Variants in KCNQ1 observed in about 807,000 individuals in gnomAD.
KCNQ1 encodes potassium voltage-gated channel subfamily KQT member 1.
A neutral mutation model predicts 72.4 loss-of-function variants in KCNQ1; 49 were observed. The observed-to-expected ratio is 0.68, with a 90% confidence interval of 0.54 to 0.86. KCNQ1 has a LOEUF of 0.86. Ranked by LOEUF, KCNQ1 falls within the 40% of genes least tolerant of loss-of-function variation. The pLI is 0.00. For synonymous variants in KCNQ1, 450 were observed against 412.6 expected (o/e 1.09, Z -1.10); for missense variants, 790 against 945.1 (o/e 0.84, Z 2.15).
intron 10 of KCNQ1, chr11:2,633,331 C>G (rs1849395255): frequency 2.5e-6 from 1 of 398,394 alleles, no homozygotes; most frequent in African/African-American, 2.1e-5. Context: ...CAGGATATCT[C>G]TTAATAGTTT....
intron 2 of KCNQ1, among the ~76,000 whole-genome samples, chr11:2,542,796 G>A (rs527332778): frequency 2.6e-5 from 4 of 152,332 alleles, no homozygotes; most frequent in African/African-American, 4.8e-5. Flanking sequence ...TTGCTGAGCC[G>A]TATCCCATTG....
chr11:2,666,041 T>C (rs2133861998), intron 11 of KCNQ1: 1 of 398,626 alleles, frequency 2.5e-6, no homozygotes, highest in Non-Finnish European at 4.4e-6. Flanking sequence ...ATACCTGAGA[T>C]AGACGGCCCA....
At position 2,710,067 on chromosome 11, in the gene KCNQ1, G is replaced by A. The variant is rs914042578; in HGVS notation, c.1514+47986G>A. 6.6e-6 allele frequency among the ~76,000 whole-genome samples: 1 copy of A among 152,176 alleles called. No individual in the cohort carries two copies. The highest frequency in any genetic ancestry group is 2.4e-5 in the African/African-American group (1 of 41,434). On this transcript the variant is annotated intron_variant, in intron 11 of 15. Coordinates refer to ENST00000155840, the MANE Select transcript of KCNQ1 (RefSeq NM_000218.3). The surrounding 1 kb of genome is among the most constrained non-coding windows in gnomAD (Gnocchi z 4.1). ...TAACCTTTTGAGGATCTGCCAGACT[G>A]TTTTCCAATGTGGCAGCACCATTTT...
At chr11:2,545,302 A>T (rs1250446478) in intron 2 of KCNQ1, among the ~76,000 whole-genome samples, 1 of 152,134 alleles carries the variant, frequency 6.6e-6, no homozygotes. Flanking sequence ...TGAGTTGGGA[A>T]GTGTTCTCTC....
chr11:2,484,924 GCT>G lies in KCNQ1; in HGVS notation c.386+39446_386+39447del, dbSNP rs977414754. Among the ~76,000 whole-genome samples the G allele has an allele frequency of 1.3e-5, 2 of 152,034 alleles. No homozygotes were observed. The highest frequency in any genetic ancestry group is 4.8e-5 in the African/African-American group (2 of 41,376). ...CCTTTCTTCAATAGTGAGAAACCTG[GCT>G]CTCTCACCTTCACCTGCTCGTCCAA... On this transcript the variant is annotated intron_variant, in intron 1 of 15. Coordinates refer to ENST00000155840, the MANE Select transcript of KCNQ1 (RefSeq NM_000218.3). This position sits in a 1 kb window ranked among gnomAD's most constrained non-coding sequence, Gnocchi z 5.2.
At chr11:2,667,825 T>C (rs1850110511) in intron 11 of KCNQ1, 1 of 398,622 alleles carries the variant, frequency 2.5e-6, no homozygotes, top group Non-Finnish European at 4.4e-6. Context: ...AGGGTGGTGG[T>C]GTTAAACTTT....
chr11:2,485,938 A>G (rs546553160), intron 1 of KCNQ1, among the ~76,000 whole-genome samples: 48 of 152,318 alleles, frequency 3.2e-4, no homozygotes, highest in African/African-American at 9.4e-4. Flanking sequence ...TTATCCATTC[A>G]TCTTTTGATG....
rs1439223442 is a variant in KCNQ1, at chr11:2,824,242, G to A, written c.1795-23525G>A. ...TCCATGGAGGGGCCAGAGTAGAGGG[G>A]AGGTGGGTGAGGAGGCTACGCAGAG... On this transcript the variant is annotated intron_variant, in intron 15 of 15. Transcript: ENST00000155840. This position sits in a 1 kb window ranked among gnomAD's most constrained non-coding sequence, Gnocchi z 5.9. 6.6e-6 allele frequency among the ~76,000 whole-genome samples: 1 copy of A among 152,178 alleles called. No individual in the cohort carries two copies.
In KCNQ1 at chr11:2,808,321, C is replaced by A. The variant is rs867057447; in HGVS notation, c.1794+30284C>A. ...GGGATGGGCTAGAACTCGGTCCTGG[C>A]ATCACAGAGCTACCCCGGTCAAAAA... On this transcript the variant is annotated intron_variant, in intron 15 of 15. Coordinates refer to ENST00000155840, the MANE Select transcript of KCNQ1 (RefSeq NM_000218.3). The surrounding 1 kb of genome is among the most constrained non-coding windows in gnomAD (Gnocchi z 6.0). Among the ~76,000 whole-genome samples the A allele has an allele frequency of 1.3e-5, 2 of 152,208 alleles. No individual in the cohort carries two copies. The highest frequency in any genetic ancestry group is 2.9e-5 in the Non-Finnish European group (2 of 68,040).
At chr11:2,699,612 G>C in intron 11 of KCNQ1, 1 of 354,216 alleles carries the variant, frequency 2.8e-6, no homozygotes, top group South Asian at 1.3e-4. Context: ...AGAGGCCCCC[G>C]GAGAGAACCG....
intron 1 of KCNQ1, among the ~76,000 whole-genome samples, chr11:2,460,913 G>A (rs532168980): frequency 1.3e-5 from 2 of 152,340 alleles, no homozygotes; most frequent in South Asian, 4.1e-4. Context: ...CCCTCTTGTC[G>A]GTCTTGTCTG....
At position 2,547,497 on chromosome 11, in the gene KCNQ1, G is replaced by C. The variant is rs1385116527; in HGVS notation, c.477+19479G>C. On this transcript the variant is annotated intron_variant, in intron 2 of 15. Transcript: ENST00000155840. The surrounding 1 kb of genome is among the most constrained non-coding windows in gnomAD (Gnocchi z 4.2). The stretch of plus-strand genomic sequence containing the variant: ...CATCTGCCCGCCTCAGCCTCCCAAA[G>C]TGCTGGGATCACAGGCATGAGCCAC... Among the ~76,000 whole-genome samples, 1 of 152,164 alleles carries C rather than the reference G, an allele frequency of 6.6e-6. No homozygotes were observed. Among genetic ancestry groups the C allele is most frequent in the African/African-American group, 2.4e-5 (1 of 41,426 alleles).
chr11:2,506,637 G>A (rs1472951324), intron 1 of KCNQ1, among the ~76,000 whole-genome samples: 1 of 152,186 alleles, frequency 6.6e-6, no homozygotes, highest in African/African-American at 2.4e-5. Context: ...GGAGTGTTGG[G>A]CTGAAAGAGA....
intron 1 of KCNQ1, among the ~76,000 whole-genome samples, chr11:2,454,182 G>A (rs1246350431): frequency 6.6e-6 from 1 of 152,072 alleles, no homozygotes; most frequent in East Asian, 1.9e-4. Flanking sequence ...CGAAAGCAAT[G>A]GAAGCCTCCA....
chr11:2,740,544 C>T (rs1846034841), intron 11 of KCNQ1, among the ~76,000 whole-genome samples: 1 of 152,200 alleles, frequency 6.6e-6, no homozygotes, highest in African/African-American at 2.4e-5. Flanking sequence ...GGACCCAGGC[C>T]TCCTGGGGGC....
In KCNQ1 at chr11:2,653,954, G is replaced by T. The variant is rs1248785352; in HGVS notation, c.1394-8007G>T. ...TGGCTGCTGGCAGGCAAAAACAACA[G>T]GTGTCCACTCAAGCAAGGTATTTTC... On this transcript the variant is annotated intron_variant, in intron 10 of 15. Transcript: ENST00000155840. The surrounding 1 kb of genome is among the most constrained non-coding windows in gnomAD (Gnocchi z 5.3). 1.0e-5 allele frequency: 4 copies of T among 398,558 alleles called. No homozygotes were observed. The Admixed American group carries it at 1.8e-4, about 18-fold the overall frequency. The allele number at this position is 398,558 out of a possible 1,614,324, so 24.7% of individuals were successfully genotyped here.
chr11:2,548,399 G>T (rs866261713), intron 2 of KCNQ1, among the ~76,000 whole-genome samples: 8 of 152,196 alleles, frequency 5.3e-5, no homozygotes, highest in Non-Finnish European at 5.9e-5. Context: ...TAATCGGTCA[G>T]GTTAGTTGCT....
intron 2 of KCNQ1, among the ~76,000 whole-genome samples, chr11:2,569,228 C>T (rs1057108995): frequency 6.6e-6 from 1 of 152,214 alleles, no homozygotes; most frequent in South Asian, 2.1e-4. Context: ...CCAGTATGCA[C>T]CTGTCCGCAC....
chr11:2,806,935 G>T (rs986808207), intron 15 of KCNQ1, among the ~76,000 whole-genome samples: 1 of 152,146 alleles, frequency 6.6e-6, no homozygotes, highest in Non-Finnish European at 1.5e-5. Flanking sequence ...CAGCACCAGC[G>T]GGGGCATGGG....
Sources: gnomAD v4.1 joint callset for allele counts (sites outside exome capture counted in the v4.1 genomes callset) on GRCh38, gnomAD v4.1.1 for gene constraint, Gnocchi (gnomAD v3.1) non-coding constraint, MANE v1.5 for transcripts, NCBI Gene and HGNC (gene_info 2026-07-23, HGNC 2026-07-21) for gene names.